The following PTPRQ variants were observed in gnomAD, a reference collection of about 807,000 sequenced individuals.
PTPRQ encodes phosphatidylinositol phosphatase PTPRQ.
PTPRQ carries 199 observed loss-of-function variants against 246.0 expected under a neutral mutation model. The ratio of observed to expected loss-of-function variants is 0.81; its 90% confidence interval spans 0.72 to 0.91. The LOEUF is 0.91. Ranked by LOEUF, PTPRQ falls within the 40% of genes least tolerant of loss-of-function variation. The pLI is 0.00. For missense variants in PTPRQ, 2,624 were observed against 2,528.4 expected, an observed-to-expected ratio of 1.04 and a Z score of -0.81; for synonymous variants, 869 against 853.2, an observed-to-expected ratio of 1.02 and a Z score of -0.32.
intron 28 of PTPRQ, among the ~76,000 whole-genome samples, chr12:80,611,856 G>T (rs1898564259): frequency 6.7e-6 from 1 of 150,312 alleles, no homozygotes; most frequent in Non-Finnish European, 1.5e-5. Flanking sequence ...AGTAACAAAT[G>T]CAAAAATATC....
chr12:80,476,991 T>C (rs1255663161), intron 8 of PTPRQ, among the ~76,000 whole-genome samples: 1 of 152,182 alleles, frequency 6.6e-6, no homozygotes, highest in Admixed American at 6.5e-5. Context: ...AGTTGAACTG[T>C]AAATAAAAAT....
chr12:80,648,979 G>T, intron 36 of PTPRQ, 56 bp downstream of exon 36: 1 of 1,459,368 alleles, frequency 6.9e-7, no homozygotes, highest in South Asian at 1.4e-5. Context: ...TAGATGCACT[G>T]ACTCAGTAGA....
intron 41 of PTPRQ, 51 bp downstream of exon 41, chr12:80,669,515 C>G: frequency 1.3e-6 from 2 of 1,500,950 alleles, no homozygotes; most frequent in Non-Finnish European, 1.8e-6. Flanking sequence ...TATGATTGAT[C>G]TAAATGTCTA....
At chr12:80,628,947 TA>T (rs2121158970) in intron 33 of PTPRQ, among the ~76,000 whole-genome samples, 1 of 152,196 alleles carries the variant, frequency 6.6e-6, no homozygotes, top group Admixed American at 6.6e-5. Context: ...TGGGGTGTGT[TA>T]AACAATAGAA....
At chr12:80,606,139 G>T (rs1053465872) in intron 27 of PTPRQ, among the ~76,000 whole-genome samples, 2 of 151,056 alleles carry the variant, frequency 1.3e-5, no homozygotes, top group African/African-American at 4.8e-5. Flanking sequence ...GGAAAGGAAT[G>T]AGTTCAGTAT....
chr12:80,541,947 A>G, intron 21 of PTPRQ, 102 bp downstream of exon 21: 1 of 1,458,016 alleles, frequency 6.9e-7, no homozygotes, highest in Non-Finnish European at 9.1e-7. Context: ...ATTCTGTTTG[A>G]TCTCAAGTAA....
At chr12:80,541,524 A>AT in intron 20 of PTPRQ, 31 bp from the exon 21 acceptor site, 1 of 1,404,340 alleles carries the variant, frequency 7.1e-7, no homozygotes, top group Non-Finnish European at 9.3e-7. Context: ...GTAACTGATG[A>AT]TTTTTGTATT....
intron 25 of PTPRQ, among the ~76,000 whole-genome samples, chr12:80,577,259 G>T (rs982459862): frequency 1.3e-5 from 2 of 152,210 alleles, no homozygotes; most frequent in Non-Finnish European, 2.9e-5. Flanking sequence ...AGTTCAGCAT[G>T]ACTGGGGAGG....
chr12:80,463,098 C>G (rs1299572320), intron 6 of PTPRQ, among the ~76,000 whole-genome samples: 3 of 151,978 alleles, frequency 2.0e-5, no homozygotes, highest in African/African-American at 7.3e-5. Context: ...AAACCAAAGG[C>G]AAAGAAGTTG....
rs940733773 is a variant in PTPRQ at position 80,458,125 on chromosome 12, C to T, written c.460+481C>T. On this transcript the variant is annotated intron_variant, in intron 4 of 44. Transcript: ENST00000644991. ...GGTTATTATATTATTGGGTAACATG[C>T]AGTCATTACCAAACCAATTTAAGAT... Among the ~76,000 whole-genome samples the T allele has an allele frequency of 8.5e-5, 13 of 152,122 alleles. 1 individual carries two copies. Among genetic ancestry groups the T allele is most frequent in the Admixed American group, 2.0e-4 (3 of 15,268 alleles).
intron 14 of PTPRQ, among the ~76,000 whole-genome samples, chr12:80,497,966 G>T (rs4353336): frequency 0.85 from 129,306 of 151,912 alleles, 55,881 homozygotes; most frequent in Non-Finnish European, 0.93. Context: ...TGTAGAAAAG[G>T]ATCCTGTTGA....
At chr12:80,560,672 A>C (rs1896796473) in intron 25 of PTPRQ, among the ~76,000 whole-genome samples, 1 of 152,258 alleles carries the variant, frequency 6.6e-6, no homozygotes, top group African/African-American at 2.4e-5. Context: ...AGATACTCTT[A>C]CACATAACAT....
intron 17 of PTPRQ, among the ~76,000 whole-genome samples, chr12:80,529,748 G>A (rs968149354): frequency 2.6e-5 from 4 of 151,860 alleles, no homozygotes; most frequent in East Asian, 3.9e-4. Flanking sequence ...TTTTTTTGGC[G>A]TTACCCATGA....
chr12:80,522,204 A>G (rs1477803126), intron 17 of PTPRQ, among the ~76,000 whole-genome samples: 2 of 152,174 alleles, frequency 1.3e-5, no homozygotes, highest in Non-Finnish European at 2.9e-5. Context: ...ATTTTTGTAC[A>G]TTGATTTTGT....
chr12:80,509,813 T>A (rs1027339410), intron 16 of PTPRQ, among the ~76,000 whole-genome samples: 1 of 152,140 alleles, frequency 6.6e-6, no homozygotes, highest in African/African-American at 2.4e-5. Context: ...TGATATTATT[T>A]TACTTTTTAA....
intron 3 of PTPRQ, among the ~76,000 whole-genome samples, chr12:80,450,479 G>T (rs1892721217): frequency 6.6e-6 from 1 of 152,140 alleles, no homozygotes; most frequent in East Asian, 1.9e-4. Context: ...AATGCTTCTG[G>T]TTTTTGCCCA....
intron 17 of PTPRQ, among the ~76,000 whole-genome samples, chr12:80,524,150 G>T (rs975274539): frequency 6.6e-6 from 1 of 152,062 alleles, no homozygotes; most frequent in Non-Finnish European, 1.5e-5. Flanking sequence ...ATCTTTGTTG[G>T]TTTAAAGTCT....
In PTPRQ at chr12:80,546,597, G is replaced by A. The variant is rs1443713623; in HGVS notation, c.3915G>A (p.Leu1305=). 2 of 1,549,978 alleles carry A rather than the reference G, an allele frequency of 1.3e-6. No homozygotes were observed. The highest frequency in any genetic ancestry group is 2.7e-5 in the African/African-American group (2 of 73,076). The change falls in exon 24 of 45, where the codon CTG becomes CTA. Residue 1305 remains leucine, a synonymous_variant. Coordinates refer to ENST00000644991, the MANE Select transcript of PTPRQ (RefSeq NM_001145026.2). The part of the protein sequence containing the change: ...GFKTEAKLVG[L]EPVSTYSIRV... Reference sequence around the variant, plus strand: ...AAACTGAAGCCAAACTTGTTGGACTGGAACCAGTCAGCACCTACTCTATCC... The same window carrying A: ...AAACTGAAGCCAAACTTGTTGGACTAGAACCAGTCAGCACCTACTCTATCC...
At chr12:80,567,954 T>C (rs1773807120) in intron 25 of PTPRQ, among the ~76,000 whole-genome samples, 1 of 152,174 alleles carries the variant, frequency 6.6e-6, no homozygotes, top group Non-Finnish European at 1.5e-5. Flanking sequence ...AAAGTATATA[T>C]TTTATTGTAA....
Sources: gnomAD v4.1 joint callset for allele counts (sites outside exome capture counted in the v4.1 genomes callset) on GRCh38, gnomAD v4.1.1 for gene constraint, MANE v1.5 for transcripts, NCBI Gene and HGNC (gene_info 2026-07-23, HGNC 2026-07-21) for gene names.